ARFIP1: variants seen among roughly 807,000 people sequenced by gnomAD.
ARFIP1 encodes arfaptin-1.
A neutral mutation model predicts 42.5 loss-of-function variants in ARFIP1; 24 were observed. That is an observed-to-expected ratio of 0.57 (90% CI 0.41 to 0.80). ARFIP1 has a LOEUF of 0.80. Among genes scored for constraint, ARFIP1 ranks in the 30% least tolerant of loss-of-function variants. The probability of loss-of-function intolerance (pLI) is 0.00; values close to 1 mark genes in which losing one functional copy is unlikely to be tolerated. For missense variants in ARFIP1, 354 were observed against 434.0 expected (o/e 0.82, Z 1.64); for synonymous variants, 141 against 153.7 (o/e 0.92, Z 0.61).
chr4:152,822,296 T>TAAAAAAAAAAAAAAAAAAAAAAAAGA (rs70949618), intron 1 of ARFIP1, among the ~76,000 whole-genome samples: 1 of 65,580 alleles, frequency 1.5e-5, no homozygotes, highest in African/African-American at 5.1e-5. Flanking sequence ...GCAACAGCAG[T>TAAAAAAAAAAAAAAAAAAAAAAAAGA]AAAAAAAAAA....
intron 7 of ARFIP1, among the ~76,000 whole-genome samples, chr4:152,887,348 A>G (rs1399881957): frequency 6.6e-6 from 1 of 151,952 alleles, no homozygotes; most frequent in Admixed American, 6.6e-5. Context: ...TCTACAATAG[A>G]TACTGTTGTT....
rs116117388 is a variant in ARFIP1 at position 152,798,523 on chromosome 4, A to C, written c.-10+18297A>C. On this transcript the variant is annotated intron_variant, in intron 1 of 8. Transcript: ENST00000353617. ...GTTTCCTACCTGCCTTAGATTTATG[A>C]ATACGGTATGTACTAATAGATTTCC... Among the ~76,000 whole-genome samples, 1,047 of 152,292 alleles carry C rather than the reference A, an allele frequency of 6.9e-3. 7 individuals are homozygous for C. Among genetic ancestry groups the C allele is most frequent in the Non-Finnish European group, 0.011 (771 of 68,024 alleles).
chr4:152,835,458 C>T (rs889770314), intron 2 of ARFIP1, among the ~76,000 whole-genome samples: 11 of 152,212 alleles, frequency 7.2e-5, no homozygotes, highest in African/African-American at 2.7e-4. Flanking sequence ...GTGACTTTTA[C>T]TTCAGTTCCC....
chr4:152,825,560 A>T (rs976695527), intron 1 of ARFIP1, among the ~76,000 whole-genome samples: 1 of 152,224 alleles, frequency 6.6e-6, no homozygotes, highest in African/African-American at 2.4e-5. Flanking sequence ...TGGATTAAAG[A>T]CTTAAGATCT....
At position 152,880,954 on chromosome 4, in the gene ARFIP1, CA is replaced by C. The variant is rs1171362765; in HGVS notation, c.412-8del. ...TTCTTTCTAAACAAAATGCATCTTCCACTTTTAGTGTACTCGACAGATTATC... is the reference window on the plus strand; with the variant it reads ...TTCTTTCTAAACAAAATGCATCTTCCCTTTTAGTGTACTCGACAGATTATC... On this transcript the variant is annotated splice_polypyrimidine_tract_variant and splice_region_variant and intron_variant, in intron 5 of 8. Coordinates refer to ENST00000353617, the MANE Select transcript of ARFIP1 (RefSeq NM_001025595.3). The C allele has an allele frequency of 2.5e-6, 4 of 1,597,176 alleles. No homozygotes were observed. Among genetic ancestry groups the C allele is most frequent in the African/African-American group, 1.4e-5 (1 of 73,998 alleles).
chr4:152,805,349 G>A (rs1728919714), intron 1 of ARFIP1, among the ~76,000 whole-genome samples: 1 of 152,212 alleles, frequency 6.6e-6, no homozygotes. Flanking sequence ...ATTGCCTGGA[G>A]CATTGGAAAA....
chr4:152,811,090 C>CTTT lies in ARFIP1; in HGVS notation c.-9-18515_-9-18513dup, dbSNP rs5863021. 1.3e-3 allele frequency among the ~76,000 whole-genome samples: 95 copies of CTTT among 74,404 alleles called. 1 individual carries two copies. Among genetic ancestry groups the CTTT allele is most frequent in the African/African-American group, 4.0e-3 (79 of 19,996 alleles). 48.8% of individuals were successfully genotyped at this position (74,404 alleles called of 152,430 possible). On this transcript the variant is annotated intron_variant, in intron 1 of 8. Transcript: ENST00000353617. ...CAACAGCCACATGCTAAGGTTAAGC[C>CTTT]TTTTTTTTTTTTTTTTTTTTTTCAG...
At chr4:152,867,702 T>C (rs1218925251) in intron 3 of ARFIP1, among the ~76,000 whole-genome samples, 1 of 152,202 alleles carries the variant, frequency 6.6e-6, no homozygotes, top group African/African-American at 2.4e-5. Flanking sequence ...TACATGAGCA[T>C]TAAAATGCCC....
chr4:152,789,026 GGAAGATCACA>G (rs1730987994), intron 1 of ARFIP1, among the ~76,000 whole-genome samples: 1 of 149,442 alleles, frequency 6.7e-6, no homozygotes, highest in Admixed American at 6.7e-5. Context: ...GTTTCTAGGA[GGAAGATCACA>G]GAAGTAAAGT....
chr4:152,790,728 C>CTTTTTTTTTTTTTTTT (rs781615063), intron 1 of ARFIP1, among the ~76,000 whole-genome samples: 1 of 106,082 alleles, frequency 9.4e-6, no homozygotes, highest in African/African-American at 3.8e-5. Flanking sequence ...ATGTGTTTAT[C>CTTTTTTTTTTTTTTTT]TTTTTTTTTT....
chr4:152,900,807 G>T (rs1737765634), intron 8 of ARFIP1, among the ~76,000 whole-genome samples: 1 of 152,120 alleles, frequency 6.6e-6, no homozygotes, highest in Non-Finnish European at 1.5e-5. Flanking sequence ...AGCGGTTGGG[G>T]ACCTCTTACC....
intron 2 of ARFIP1, among the ~76,000 whole-genome samples, chr4:152,842,230 C>T (rs1467045051): frequency 6.6e-6 from 1 of 151,478 alleles, no homozygotes; most frequent in Non-Finnish European, 1.5e-5. Context: ...GACAATGATC[C>T]GGATATAAAC....
chr4:152,804,125 ATAT>A (rs1728686522), intron 1 of ARFIP1, among the ~76,000 whole-genome samples: 1 of 120,622 alleles, frequency 8.3e-6, no homozygotes, highest in African/African-American at 3.2e-5. Context: ...CATGTATTAT[ATAT>A]TATATATAAT....
In ARFIP1 at chr4:152,872,576, T is replaced by C; in HGVS notation, c.411+12T>C. 1 of 1,495,896 alleles carries C rather than the reference T, an allele frequency of 6.7e-7. No homozygotes were observed. Among genetic ancestry groups the C allele is most frequent in the Non-Finnish European group, 9.1e-7 (1 of 1,096,352 alleles). 92.7% of individuals were successfully genotyped at this position (1,495,896 alleles called of 1,614,324 possible). ...TAAACACCTATAAGGTTTGTAATTA[T>C]TTAATGTTTCCACCCTAAATGGCTC... On this transcript the variant is annotated intron_variant, in intron 5 of 8. Coordinates refer to ENST00000353617, the MANE Select transcript of ARFIP1 (RefSeq NM_001025595.3).
intron 1 of ARFIP1, among the ~76,000 whole-genome samples, chr4:152,823,837 A>G (rs186543515): frequency 6.6e-6 from 1 of 151,872 alleles, no homozygotes; most frequent in Admixed American, 6.6e-5. Flanking sequence ...AATTTTTCCA[A>G]AAACTCGAGA....
chr4:152,804,489 T>TAC (rs1491163699), intron 1 of ARFIP1, among the ~76,000 whole-genome samples: 2 of 50,476 alleles, frequency 4.0e-5, no homozygotes, highest in Non-Finnish European at 4.9e-5. Flanking sequence ...ATATATTATT[T>TAC]ATATATATAT....
chr4:152,839,631 T>C (rs1731907060), intron 2 of ARFIP1, among the ~76,000 whole-genome samples: 2 of 152,200 alleles, frequency 1.3e-5, no homozygotes, highest in Admixed American at 1.3e-4. Flanking sequence ...TAATATCCCC[T>C]GTTTCATTTC....
At chr4:152,881,294 T>G in intron 6 of ARFIP1, 110 bp downstream of exon 6, 1 of 833,362 alleles carries the variant, frequency 1.2e-6, no homozygotes, top group Non-Finnish European at 1.9e-6. Context: ...GATGGAATTC[T>G]GAGATTCTCT....
chr4:152,874,971 T>C (rs191235988), intron 5 of ARFIP1, among the ~76,000 whole-genome samples: 1 of 152,288 alleles, frequency 6.6e-6, no homozygotes, highest in Non-Finnish European at 1.5e-5. Flanking sequence ...GGCCCCATTT[T>C]ACTCTTGAAT....
Sources: allele counts gnomAD v4.1 joint callset (sites outside exome capture counted in the v4.1 genomes callset), GRCh38; gene constraint gnomAD v4.1.1; transcripts MANE v1.5; gene names NCBI Gene and HGNC (gene_info 2026-07-23, HGNC 2026-07-21).